PPP2R5C: variants seen among roughly 807,000 people sequenced by gnomAD.
PPP2R5C encodes serine/threonine-protein phosphatase 2A 56 kDa regulatory subunit gamma isoform.
PPP2R5C carries 7 observed loss-of-function variants against 68.9 expected under a neutral mutation model. The ratio of observed to expected loss-of-function variants is 0.10; its 90% CI spans 0.06 to 0.19. The LOEUF (loss-of-function observed/expected upper bound fraction) is 0.19. PPP2R5C is among the 10% of genes least tolerant of loss of function. The pLI is 1.00. For missense variants in PPP2R5C, 348 were observed against 641.3 expected, an observed-to-expected ratio of 0.54 and a Z score of 4.94; for synonymous variants, 210 against 222.2, an observed-to-expected ratio of 0.95 and a Z score of 0.49.
At chr14:101,816,774 A>T (rs2039696626) in intron 1 of PPP2R5C, among the ~76,000 whole-genome samples, 1 of 150,934 alleles carries the variant, frequency 6.6e-6, no homozygotes, top group Non-Finnish European at 1.5e-5. Flanking sequence ...TGTTGAATCT[A>T]GCTGAGGGGA....
chr14:101,840,267 C>G (rs2041381907), intron 1 of PPP2R5C, among the ~76,000 whole-genome samples: 1 of 151,968 alleles, frequency 6.6e-6, no homozygotes, highest in Admixed American at 6.6e-5. Context: ...TGCTGGCACT[C>G]AAGTTCCTGA....
At chr14:101,914,443 C>A in intron 12 of PPP2R5C, 1 of 218,420 alleles carries the variant, frequency 4.6e-6, no homozygotes, top group South Asian at 5.9e-5. Flanking sequence ...ACAACAGCAA[C>A]AAAAAGTCAA....
Position 101,877,367 on chromosome 14 carries a change from G to T in PPP2R5C, c.295-4794G>T, listed in dbSNP as rs368887705. Among the ~76,000 whole-genome samples the T allele has an allele frequency of 2.3e-3, 352 of 152,272 alleles. 2 individuals are homozygous for T. The highest frequency in any genetic ancestry group is 7.8e-3 in the African/African-American group (325 of 41,538). ...GTTTCCATGAGGCTGTGCTGCCTTT[G>T]TTGGGCAGCGTGATTCTGCGTCTGT... On this transcript the variant is annotated intron_variant, in intron 2 of 13. Transcript: ENST00000334743. The surrounding 1 kb of genome is among the most constrained non-coding windows in gnomAD (Gnocchi z 4.2).
At chr14:101,808,037 G>A (rs1462582338), upstream of PPP2R5C, among the ~76,000 whole-genome samples, 1 of 150,556 alleles carries the variant, frequency 6.6e-6, no homozygotes, top group Non-Finnish European at 1.5e-5. Context: ...GCTCCTTCCT[G>A]AGCCCCTGAA....
intron 8 of PPP2R5C, among the ~76,000 whole-genome samples, chr14:101,897,075 C>T (rs1461236114): frequency 1.3e-5 from 2 of 152,098 alleles, no homozygotes; most frequent in Admixed American, 1.3e-4. Flanking sequence ...CCTGTCCTGC[C>T]GGGCCCTCGT....
intron 1 of PPP2R5C, chr14:101,843,638 A>G (rs2041637344): frequency 6.2e-6 from 1 of 161,764 alleles, no homozygotes; most frequent in Non-Finnish European, 1.3e-5. Context: ...AGTCTTTTCC[A>G]TTCTGGTTTG....
intron 2 of PPP2R5C, among the ~76,000 whole-genome samples, chr14:101,784,785 T>G (rs1004717676): frequency 3.9e-5 from 6 of 152,206 alleles, no homozygotes; most frequent in Non-Finnish European, 7.3e-5. Context: ...GAGCACATTA[T>G]GTAAATCATC....
In PPP2R5C at chr14:101,860,358, C is replaced by A. The variant is rs184665503; in HGVS notation, c.294+3473C>A. ...GCATAATGTTCTCAAGGTTCATCCA[C>A]GTGCCAGTACCTCATGCCTTTTTAT... is the stretch of plus-strand genomic sequence containing the variant. On this transcript the variant is annotated intron_variant, in intron 2 of 13. Coordinates refer to ENST00000334743, the Ensembl canonical transcript of PPP2R5C. 3.2e-3 allele frequency among the ~76,000 whole-genome samples: 487 copies of A among 152,312 alleles called. 2 individuals carry two copies. Among genetic ancestry groups the A allele is most frequent in the Non-Finnish European group, 4.3e-3 (293 of 68,028 alleles).
At chr14:101,840,741 A>G (rs1285152032) in intron 1 of PPP2R5C, among the ~76,000 whole-genome samples, 2 of 152,188 alleles carry the variant, frequency 1.3e-5, no homozygotes, top group African/African-American at 4.8e-5. Flanking sequence ...AAGATCAAGA[A>G]CAGCAAAGCA....
At chr14:101,803,584 C>T (rs1432596349) in intron 3 of PPP2R5C, among the ~76,000 whole-genome samples, 4 of 151,948 alleles carry the variant, frequency 2.6e-5, no homozygotes, top group Middle Eastern at 3.2e-3. Context: ...ATCAGCCGGG[C>T]GTGGTGGCGG....
At chr14:101,780,169 C>T (rs2037606870) in intron 2 of PPP2R5C, among the ~76,000 whole-genome samples, 1 of 152,160 alleles carries the variant, frequency 6.6e-6, no homozygotes, top group South Asian at 2.1e-4. Flanking sequence ...ACGTGATTGC[C>T]TCACCTAAAA....
rs115321924 is a variant in PPP2R5C, at chr14:101,866,272, G to A, written c.294+9387G>A. Reference sequence around the variant, plus strand: ...AGTTAGATTAGTTTAAATGGTGATTGGAAGATTAAAAATACATGGTCTGAA... The same window carrying A: ...AGTTAGATTAGTTTAAATGGTGATTAGAAGATTAAAAATACATGGTCTGAA... On this transcript the variant is annotated intron_variant, in intron 2 of 13. Coordinates refer to ENST00000334743, the Ensembl canonical transcript of PPP2R5C. Among the ~76,000 whole-genome samples, 840 of 152,246 alleles carry A rather than the reference G, an allele frequency of 5.5e-3. 9 individuals are homozygous for A. Among genetic ancestry groups the A allele is most frequent in the African/African-American group, 0.019 (806 of 41,534 alleles).
intron 1 of PPP2R5C, among the ~76,000 whole-genome samples, chr14:101,855,376 A>G (rs1436615990): frequency 6.6e-6 from 1 of 152,120 alleles, no homozygotes; most frequent in Non-Finnish European, 1.5e-5. Context: ...TTGGGAAGGG[A>G]GGAGTATTTT....
intron 2 of PPP2R5C, among the ~76,000 whole-genome samples, chr14:101,876,043 T>C (rs929362691): frequency 6.6e-6 from 1 of 152,238 alleles, no homozygotes; most frequent in Non-Finnish European, 1.5e-5. Flanking sequence ...TGGTTTCATA[T>C]TTTTGATATT....
intron 2 of PPP2R5C, among the ~76,000 whole-genome samples, chr14:101,779,339 A>G (rs1296002825): frequency 6.6e-6 from 1 of 152,146 alleles, no homozygotes; most frequent in Non-Finnish European, 1.5e-5. Flanking sequence ...TCCAAGCCTG[A>G]TGGAAGTGTA....
At chr14:101,874,987 G>A (rs971784610) in intron 2 of PPP2R5C, among the ~76,000 whole-genome samples, 3 of 152,186 alleles carry the variant, frequency 2.0e-5, no homozygotes, top group Admixed American at 6.5e-5. Flanking sequence ...TGACCTGCCC[G>A]CCTCAGCCTC....
At chr14:101,910,199 G>A (rs2046304923) in intron 11 of PPP2R5C, among the ~76,000 whole-genome samples, 1 of 152,094 alleles carries the variant, frequency 6.6e-6, no homozygotes, top group South Asian at 2.1e-4. Context: ...ATGTGTCCAG[G>A]GATGATCTAA....
At chr14:101,890,692 T>C in intron 6 of PPP2R5C, among the ~76,000 whole-genome samples, 1 of 152,048 alleles carries the variant, frequency 6.6e-6, no homozygotes. Flanking sequence ...CAGTTTTTTA[T>C]ATGTATATTT....
At chr14:101,851,109 C>G (rs1214967633) in intron 1 of PPP2R5C, among the ~76,000 whole-genome samples, 6 of 152,166 alleles carry the variant, frequency 3.9e-5, no homozygotes, top group Middle Eastern at 3.2e-3. Context: ...ATAGACCTCC[C>G]CAGGACCCTG....
Sources: allele counts gnomAD v4.1 joint callset (sites outside exome capture counted in the v4.1 genomes callset), GRCh38; gene constraint gnomAD v4.1.1; non-coding constraint Gnocchi (gnomAD v3.1); transcripts MANE v1.5; gene names NCBI Gene and HGNC (gene_info 2026-07-23, HGNC 2026-07-21).